Variants in FAM184B observed in about 807,000 individuals in gnomAD.
The protein encoded by FAM184B is protein FAM184B.
Under a neutral mutation model 135.9 loss-of-function variants are expected in FAM184B, and 111 were observed. The observed-to-expected ratio is 0.82, with a 90% CI of 0.70 to 0.96. FAM184B has a LOEUF of 0.96. Among genes scored for constraint, FAM184B ranks in the 40% least tolerant of loss-of-function variants. The probability of loss-of-function intolerance (pLI) is 0.00; values close to 1 mark genes in which losing one functional copy is unlikely to be tolerated. For missense variants in FAM184B, 1,375 were observed against 1,323.9 expected, an observed-to-expected ratio of 1.04 and a Z score of -0.60; for synonymous variants, 552 against 524.8, an observed-to-expected ratio of 1.05 and a Z score of -0.71.
chr4:17,761,766 C>A (rs1718551148), intron 1 of FAM184B, among the ~76,000 whole-genome samples: 1 of 152,206 alleles, frequency 6.6e-6, no homozygotes, highest in Non-Finnish European at 1.5e-5. Context: ...TGTGATCCAC[C>A]TGCCTCAACC....
intron 5 of FAM184B, among the ~76,000 whole-genome samples, chr4:17,698,406 G>A (rs1281444027): frequency 9.1e-6 from 1 of 110,124 alleles, no homozygotes; most frequent in Non-Finnish European, 1.9e-5. Flanking sequence ...ATGTAAAAGT[G>A]CCACTGTAAG....
At chr4:17,689,430 C>A (rs1277818155) in intron 6 of FAM184B, among the ~76,000 whole-genome samples, 1 of 151,966 alleles carries the variant, frequency 6.6e-6, no homozygotes, top group Admixed American at 6.6e-5. Context: ...ATGCTAGGTA[C>A]AAGGAGGGAT....
intron 16 of FAM184B, among the ~76,000 whole-genome samples, chr4:17,634,746 C>T (rs913918010): frequency 6.6e-6 from 1 of 152,200 alleles, no homozygotes; most frequent in Non-Finnish European, 1.5e-5. Flanking sequence ...AAGATTCTTA[C>T]TCTTCTCCCT....
chr4:17,765,483 T>C (rs1158001238), intron 1 of FAM184B, among the ~76,000 whole-genome samples: 2 of 152,138 alleles, frequency 1.3e-5, no homozygotes, highest in Non-Finnish European at 2.9e-5. Context: ...TGAGGGATTA[T>C]CTCAACCTAA....
At chr4:17,695,798 A>C (rs11737844) in intron 5 of FAM184B, among the ~76,000 whole-genome samples, 92,961 of 151,984 alleles carry the variant, frequency 0.61, 28,995 homozygotes, top group East Asian at 0.92. Context: ...TAGATGTCTA[A>C]TTAGATAGAT....
intron 1 of FAM184B, among the ~76,000 whole-genome samples, chr4:17,773,179 C>T (rs138537602): frequency 4.6e-5 from 7 of 152,330 alleles, no homozygotes; most frequent in Non-Finnish European, 8.8e-5. Context: ...CAGATTCCCC[C>T]CTTCTCAATT....
At chr4:17,637,535 T>C (rs1252191874) in intron 14 of FAM184B, among the ~76,000 whole-genome samples, 1 of 152,170 alleles carries the variant, frequency 6.6e-6, no homozygotes, top group East Asian at 1.9e-4. Context: ...TCCCTCTCCT[T>C]TAAAATGGGC....
intron 13 of FAM184B, 87 bp downstream of exon 13, chr4:17,641,969 A>C (rs1040561113): frequency 6.2e-5 from 87 of 1,411,652 alleles, no homozygotes; most frequent in Middle Eastern, 2.6e-4. Flanking sequence ...TTCAGGTCTC[A>C]GGCTCAGCCA....
intron 3 of FAM184B, among the ~76,000 whole-genome samples, chr4:17,707,058 G>A (rs926772145): frequency 2.0e-5 from 3 of 152,026 alleles, no homozygotes; most frequent in African/African-American, 7.2e-5. Context: ...AAAGTGCTGG[G>A]ATTATAAGCA....
At position 17,660,017 on chromosome 4, in the gene FAM184B, A is replaced by T; in HGVS notation, c.1765T>A (p.Ser589Thr). ...PLGSLLKEKT[S>T]KIQRLEEDWQ... ...TCCTCCTCTAGACGCTGGATTTTGGATGTTTTCTCCTTCAACAAAGAGCCC... is the reference window on the plus strand; with the variant it reads ...TCCTCCTCTAGACGCTGGATTTTGGTTGTTTTCTCCTTCAACAAAGAGCCC... The change falls in exon 9 of 18, where the codon TCC (serine) becomes ACC (threonine). Residue 589 changes from serine (S) to threonine (T), a missense_variant. Coordinates refer to ENST00000265018, the MANE Select transcript of FAM184B (RefSeq NM_015688.2). 1 of 1,551,486 alleles carries T rather than the reference A, an allele frequency of 6.4e-7. No homozygotes were observed. Among genetic ancestry groups the T allele is most frequent in the East Asian group, 2.4e-5 (1 of 40,912 alleles).
chr4:17,705,260 G>T, intron 4 of FAM184B, 54 bp from the exon 5 acceptor site: 1 of 1,327,328 alleles, frequency 7.5e-7, no homozygotes, highest in South Asian at 1.3e-5. Context: ...GAGGAGCAAG[G>T]AATCACCATT....
intron 4 of FAM184B, among the ~76,000 whole-genome samples, chr4:17,705,526 A>G (rs1487520579): frequency 1.3e-5 from 2 of 152,166 alleles, no homozygotes; most frequent in Admixed American, 6.5e-5. Context: ...AGTTTCCCAG[A>G]AGCCGATGAT....
At chr4:17,691,950 G>A (rs10939753) in intron 6 of FAM184B, among the ~76,000 whole-genome samples, 90,228 of 151,414 alleles carry the variant, frequency 0.6, 27,446 homozygotes, top group East Asian at 0.87. Context: ...CTACTCAGGA[G>A]GCTGAGACAG....
At chr4:17,743,745 C>A (rs1476072860) in intron 1 of FAM184B, among the ~76,000 whole-genome samples, 3 of 152,240 alleles carry the variant, frequency 2.0e-5, no homozygotes, top group Non-Finnish European at 4.4e-5. Context: ...GGACTATTTT[C>A]TCCTCACTGG....
intron 6 of FAM184B, 85 bp from the exon 7 acceptor site, chr4:17,688,616 T>G (rs1716648529): frequency 1.0e-6 from 1 of 961,884 alleles, no homozygotes; most frequent in Non-Finnish European, 1.5e-6. Context: ...TCAATTCTCC[T>G]GGGTCAGTCT....
At position 17,634,921 on chromosome 4, in the gene FAM184B, C is replaced by G. The variant is rs1314431367; in HGVS notation, c.2889+88G>C. On this transcript the variant is annotated intron_variant, in intron 16 of 17. Coordinates refer to ENST00000265018, the MANE Select transcript of FAM184B (RefSeq NM_015688.2). ...CAATGAATATTTTTCTGAGCGTACA[C>G]CAGCCCTTAAATAACCTGTGGTTAC... 25 of 841,394 alleles carry G rather than the reference C, an allele frequency of 3.0e-5. No individual in the cohort carries two copies. In the East Asian group the frequency reaches 6.3e-4, roughly 21 times the overall value. The allele number at this position is 841,394 out of a possible 1,614,324, so 52.1% of individuals were successfully genotyped here. A position where few individuals can be genotyped will look rare whatever the true frequency, so the allele number is the denominator to read the frequency against.
intron 1 of FAM184B, among the ~76,000 whole-genome samples, chr4:17,747,781 C>T (rs1238651048): frequency 3.3e-5 from 5 of 151,612 alleles, no homozygotes; most frequent in South Asian, 2.1e-4. Context: ...ATTAGCCGGG[C>T]GAGGTGGCGG....
chr4:17,663,683 A>G (rs1715973202), intron 8 of FAM184B, among the ~76,000 whole-genome samples: 1 of 151,860 alleles, frequency 6.6e-6, no homozygotes, highest in Non-Finnish European at 1.5e-5. Context: ...CCTGACCCTC[A>G]CCCAGGAGTC....
intron 1 of FAM184B, among the ~76,000 whole-genome samples, chr4:17,731,264 A>C (rs1049167409): frequency 1.3e-5 from 2 of 152,260 alleles, no homozygotes; most frequent in African/African-American, 2.4e-5. Context: ...AGAAAACTGC[A>C]TCAACTAACG....
Sources: allele counts gnomAD v4.1 joint callset (sites outside exome capture counted in the v4.1 genomes callset), GRCh38; gene constraint gnomAD v4.1.1; transcripts MANE v1.5; gene names NCBI Gene and HGNC (gene_info 2026-07-23, HGNC 2026-07-21).